TMC1: variants seen among roughly 807,000 people sequenced by gnomAD.
The protein encoded by TMC1 is transmembrane channel like 1.
TMC1 carries 84 observed loss-of-function variants against 105.8 expected under a neutral mutation model. The observed-to-expected ratio is 0.79, with a 90% CI of 0.67 to 0.95. The LOEUF (loss-of-function observed/expected upper bound fraction) is 0.95. Among genes scored for constraint, TMC1 ranks in the 40% least tolerant of loss-of-function variants. The pLI, the probability that TMC1 is intolerant of heterozygous loss-of-function variation, is 0.00. For missense variants in TMC1, 817 were observed against 914.1 expected (o/e 0.89, Z 1.37); for synonymous variants, 315 against 311.5 (o/e 1.01, Z -0.12).
At chr9:72,602,661 C>A (rs535805151) in intron 2 of TMC1, among the ~76,000 whole-genome samples, 2 of 152,298 alleles carry the variant, frequency 1.3e-5, no homozygotes, top group Admixed American at 1.3e-4. Flanking sequence ...AGGCGTGAGC[C>A]ACTGCACCCG....
chr9:72,800,548 T>C (rs1349562327), intron 17 of TMC1, among the ~76,000 whole-genome samples: 11 of 152,124 alleles, frequency 7.2e-5, no homozygotes, highest in Admixed American at 6.5e-5. Flanking sequence ...CAGATGCAGA[T>C]GGTTCTGCGA....
intron 3 of TMC1, among the ~76,000 whole-genome samples, chr9:72,616,732 G>C (rs1204482796): frequency 1.3e-5 from 2 of 151,858 alleles, no homozygotes; most frequent in Non-Finnish European, 2.9e-5. Flanking sequence ...GAGGAAAGCA[G>C]TTGGAAAATC....
At chr9:72,659,050 T>A (rs1462947192) in intron 5 of TMC1, among the ~76,000 whole-genome samples, 1 of 151,984 alleles carries the variant, frequency 6.6e-6, no homozygotes, top group Non-Finnish European at 1.5e-5. Context: ...TCATGATGAG[T>A]GGAGAGGAAA....
In TMC1 at chr9:72,805,562, T is replaced by G. The variant is rs758149530; in HGVS notation, c.1695+52T>G. The G allele has an allele frequency of 6.7e-6, 10 of 1,482,358 alleles. 1 individual carries two copies. The highest frequency in any genetic ancestry group is 5.7e-5 in the Admixed American group (3 of 52,530). The allele number at this position is 1,482,358 out of a possible 1,614,324, so 91.8% of individuals were successfully genotyped here. A position where few individuals can be genotyped will look rare whatever the true frequency, so the allele number is the denominator to read the frequency against. On this transcript the variant is annotated intron_variant, in intron 18 of 23. Transcript: ENST00000297784. ...TTTTTTTTTTAAATTTATTTATTTTTTATTGATAATTCTTGGGTGTTTCTC... is the reference window on the plus strand; with the variant it reads ...TTTTTTTTTTAAATTTATTTATTTTGTATTGATAATTCTTGGGTGTTTCTC...
intron 20 of TMC1, among the ~76,000 whole-genome samples, chr9:72,825,370 A>C (rs1828936065): frequency 6.6e-6 from 1 of 152,236 alleles, no homozygotes; most frequent in Non-Finnish European, 1.5e-5. Context: ...GTATGATAGC[A>C]TACTTTGGCT....
intron 5 of TMC1, chr9:72,656,125 G>C (rs1008984788): frequency 3.1e-6 from 2 of 653,946 alleles, no homozygotes; most frequent in Non-Finnish European, 5.7e-6. Flanking sequence ...GCTTGTTAGA[G>C]TGATTCGAAT....
intron 8 of TMC1, among the ~76,000 whole-genome samples, chr9:72,706,535 A>G (rs1259490581): frequency 6.6e-6 from 1 of 152,158 alleles, no homozygotes; most frequent in African/African-American, 2.4e-5. Flanking sequence ...TGAGCAGTAT[A>G]CACTGAACCC....
At chr9:72,722,207 C>T (rs1035865438) in intron 8 of TMC1, among the ~76,000 whole-genome samples, 22 of 152,260 alleles carry the variant, frequency 1.4e-4, no homozygotes, top group African/African-American at 5.3e-4. Flanking sequence ...GGTAAGGTCA[C>T]CTTACACAGT....
At chr9:72,695,938 C>T (rs1327001966) in intron 7 of TMC1, among the ~76,000 whole-genome samples, 1 of 152,064 alleles carries the variant, frequency 6.6e-6, no homozygotes, top group African/African-American at 2.4e-5. Context: ...AAATAAAATG[C>T]AACACATTTT....
intron 2 of TMC1, among the ~76,000 whole-genome samples, chr9:72,596,858 A>G (rs1824729931): frequency 6.6e-6 from 1 of 152,212 alleles, no homozygotes; most frequent in South Asian, 2.1e-4. Context: ...AAGAACAAAG[A>G]AAAAGAACCA....
At chr9:72,822,843 G>A (rs1828898030) in intron 20 of TMC1, among the ~76,000 whole-genome samples, 1 of 152,146 alleles carries the variant, frequency 6.6e-6, no homozygotes, top group Non-Finnish European at 1.5e-5. Flanking sequence ...ACCACACAAT[G>A]TAAACATGGA....
chr9:72,779,212 G>A (rs1252491430), intron 13 of TMC1, among the ~76,000 whole-genome samples: 1 of 152,210 alleles, frequency 6.6e-6, no homozygotes, highest in East Asian at 1.9e-4. Context: ...AGCCAGAAAT[G>A]AAGCCAGTTG....
chr9:72,831,135 C>CT, intron 23 of TMC1, among the ~76,000 whole-genome samples: 1 of 152,212 alleles, frequency 6.6e-6, no homozygotes, highest in Admixed American at 6.5e-5. Context: ...ATTAAACTTT[C>CT]TTTTTTTAAA....
intron 2 of TMC1, among the ~76,000 whole-genome samples, chr9:72,579,412 A>G (rs1239801844): frequency 6.6e-6 from 1 of 152,166 alleles, no homozygotes; most frequent in Non-Finnish European, 1.5e-5. Context: ...AGAATCACCC[A>G]GGCTCCAAGC....
At chr9:72,686,612 G>A (rs750017283) in intron 5 of TMC1, among the ~76,000 whole-genome samples, 5 of 152,172 alleles carry the variant, frequency 3.3e-5, no homozygotes, top group African/African-American at 4.8e-5. Flanking sequence ...TGATGCTTAT[G>A]ACACCTTTGC....
intron 12 of TMC1, among the ~76,000 whole-genome samples, chr9:72,770,868 C>T (rs2118121534): frequency 6.6e-6 from 1 of 152,232 alleles, no homozygotes; most frequent in Admixed American, 6.5e-5. Context: ...CAAATCCCTC[C>T]TTCTTCCTTT....
intron 1 of TMC1, among the ~76,000 whole-genome samples, chr9:72,541,146 A>G (rs1449845749): frequency 1.3e-5 from 2 of 152,124 alleles, no homozygotes; most frequent in East Asian, 1.9e-4. Flanking sequence ...TCTTGCCCAC[A>G]TGGATGGTTA....
At chr9:72,770,810 G>A (rs375027231) in intron 12 of TMC1, among the ~76,000 whole-genome samples, 1 of 152,098 alleles carries the variant, frequency 6.6e-6, no homozygotes, top group Non-Finnish European at 1.5e-5. Flanking sequence ...GGCAGGAGGA[G>A]ATGAGATGTC....
At chr9:72,679,096 A>G (rs972980615) in intron 5 of TMC1, among the ~76,000 whole-genome samples, 3 of 151,968 alleles carry the variant, frequency 2.0e-5, no homozygotes, top group African/African-American at 7.3e-5. Context: ...AATAAGTTTG[A>G]CCCCAAAGAC....
Sources: allele counts gnomAD v4.1 joint callset (sites outside exome capture counted in the v4.1 genomes callset), GRCh38; gene constraint gnomAD v4.1.1; transcripts MANE v1.5; gene names NCBI Gene and HGNC (gene_info 2026-07-23, HGNC 2026-07-21).